LRBA: variants seen among roughly 807,000 people sequenced by gnomAD.
LRBA encodes lipopolysaccharide-responsive and beige-like anchor protein.
LRBA carries 176 observed loss-of-function variants against 330.0 expected under a neutral mutation model. That is an observed-to-expected ratio of 0.53 (90% CI 0.47 to 0.60). The LOEUF is 0.60. Ranked by LOEUF, LRBA falls within the 20% of genes least tolerant of loss-of-function variation. The pLI is 0.00. For missense variants in LRBA, 3,259 were observed against 3,444.8 expected, an observed-to-expected ratio of 0.95 and a Z score of 1.35; for synonymous variants, 1,230 against 1,193.0, an observed-to-expected ratio of 1.03 and a Z score of -0.64.
At chr4:150,436,998 A>G in intron 44 of LRBA, 134 bp from the exon 45 acceptor site, 1 of 774,918 alleles carries the variant, frequency 1.3e-6, no homozygotes, top group Non-Finnish European at 2.1e-6. Flanking sequence ...GCTGCAACAC[A>G]GTATCATATT....
intron 47 of LRBA, among the ~76,000 whole-genome samples, chr4:150,351,692 A>C (rs1737204139): frequency 3.9e-5 from 6 of 152,176 alleles, no homozygotes; most frequent in Admixed American, 2.0e-4. Context: ...CCGTCTCAAA[A>C]AACAAAACAA....
intron 33 of LRBA, among the ~76,000 whole-genome samples, chr4:150,803,201 CTA>C (rs1221700029): frequency 6.7e-6 from 1 of 150,346 alleles, no homozygotes; most frequent in East Asian, 1.9e-4. Context: ...CATTAAGAAA[CTA>C]TTACTATTAT....
At chr4:150,345,094 T>C (rs138901662) in intron 48 of LRBA, among the ~76,000 whole-genome samples, 1 of 152,342 alleles carries the variant, frequency 6.6e-6, no homozygotes, top group African/African-American at 2.4e-5. Flanking sequence ...AAAACATGCC[T>C]GGATTCTGTC....
At chr4:151,013,692 C>T (rs976292677) in intron 2 of LRBA, 1 of 151,290 alleles carries the variant, frequency 6.6e-6, no homozygotes, top group Non-Finnish European at 1.5e-5. Context: ...GAGGCCTCAT[C>T]CCCCTCCCAC....
chr4:150,751,512 A>G (rs1237824281), intron 35 of LRBA, among the ~76,000 whole-genome samples: 1 of 152,114 alleles, frequency 6.6e-6, no homozygotes, highest in East Asian at 1.9e-4. Context: ...ATTACACAAT[A>G]TTTAGCAACA....
chr4:150,765,780 T>C (rs1330239117), intron 34 of LRBA, among the ~76,000 whole-genome samples: 1 of 152,080 alleles, frequency 6.6e-6, no homozygotes, highest in Non-Finnish European at 1.5e-5. Context: ...TCATTTAGAT[T>C]TTATTTTCAT....
At chr4:150,300,820 C>T (rs988956326) in intron 53 of LRBA, among the ~76,000 whole-genome samples, 3 of 152,056 alleles carry the variant, frequency 2.0e-5, no homozygotes, top group Non-Finnish European at 4.4e-5. Context: ...ACTTAACTTT[C>T]TGAAATGCAA....
chr4:150,268,947 T>C (rs1745715521), intron 56 of LRBA, among the ~76,000 whole-genome samples: 1 of 152,180 alleles, frequency 6.6e-6, no homozygotes, highest in South Asian at 2.1e-4. Context: ...AAACTGTCTC[T>C]GTTTACAGAT....
Position 150,852,812 on chromosome 4 carries a change from A to C in LRBA, c.2898T>G (p.Asn966Lys). 6.2e-7 allele frequency: 1 copy of C among 1,614,050 alleles called. No individual in the cohort carries two copies. The highest frequency in any genetic ancestry group is 8.5e-7 in the Non-Finnish European group (1 of 1,179,954). ...QAASGIRRDI[N>K]VSVGSQQPDT... is the part of the protein sequence containing the mutation. ...CTGGTTGCTGGGATCCTACTGAAAC[A>C]TTAATATCCCTTCTAATGCCAGAGG... The change falls in exon 23 of 57, where the codon AAT becomes AAG. Residue 966 changes from asparagine (N) to lysine (K), a missense_variant. Coordinates refer to ENST00000651943, the MANE Select transcript of LRBA (RefSeq NM_001364905.1).
Position 150,852,837 on chromosome 4 carries a change from G to T in LRBA, c.2873C>A (p.Ala958Asp), listed in dbSNP as rs1466634709. The T allele has an allele frequency of 1.9e-6, 3 of 1,613,892 alleles. No homozygotes were observed. The highest frequency in any genetic ancestry group is 2.5e-6 in the Non-Finnish European group (3 of 1,179,876). The change falls in exon 23 of 57, where the codon GCC becomes GAC. Residue 958 changes from alanine to aspartate, a missense_variant. Physicochemically the swap from Ala to Asp is moderately radical, Grantham distance 126 (BLOSUM62 -2). Coordinates refer to ENST00000651943, the MANE Select transcript of LRBA (RefSeq NM_001364905.1). ...GLCSSTSVQA[A>D]SGIRRDINVS... is the part of the protein sequence containing the mutation. ...ATTAATATCCCTTCTAATGCCAGAG[G>T]CTGCTTGAACTGAAGTTGAAGAACA...
At chr4:150,629,096 C>A (rs752294423) in intron 37 of LRBA, among the ~76,000 whole-genome samples, 1 of 152,074 alleles carries the variant, frequency 6.6e-6, no homozygotes, top group Non-Finnish European at 1.5e-5. Flanking sequence ...GAGACCAGAT[C>A]TCACTATATT....
Position 150,914,301 on chromosome 4 carries a change from TCTG to T in LRBA, c.1052_1054del (p.Ala351del), listed in dbSNP as rs749849087. ...CTGACCACAGAATACTCTATTAGCATCTGCTGTTTCTGATGAGCCCAGGAAACA... is the reference window on the plus strand; with the variant it reads ...CTGACCACAGAATACTCTATTAGCATCTGTTTCTGATGAGCCCAGGAAACA... On this transcript the variant is annotated inframe_deletion, in exon 9 of 57. Coordinates refer to ENST00000651943, the MANE Select transcript of LRBA (RefSeq NM_001364905.1). 6.3e-7 allele frequency: 1 copy of T among 1,589,442 alleles called. No homozygotes were observed.
In LRBA at chr4:150,525,229, G is replaced by T. The variant is rs1330272789; in HGVS notation, c.6331-34194C>A. 1.4e-4 allele frequency among the ~76,000 whole-genome samples: 21 copies of T among 151,812 alleles called. No individual in the cohort carries two copies. In the South Asian group the frequency reaches 4.0e-3, roughly 29 times the overall value. On this transcript the variant is annotated intron_variant, in intron 40 of 56. Transcript: ENST00000651943. ...GTCTGCATATTTAAAAAAAACTGAA[G>T]AAAATATTATTTTATGCTGTTCCTA...
chr4:150,813,161 TAA>T (rs368824811), intron 31 of LRBA, among the ~76,000 whole-genome samples: 3 of 131,492 alleles, frequency 2.3e-5, no homozygotes, highest in African/African-American at 3.3e-5. Flanking sequence ...CTGTCTCAAT[TAA>T]AAAAAAAAAA....
chr4:150,878,024 C>A (rs921945154), intron 17 of LRBA, among the ~76,000 whole-genome samples: 1 of 151,968 alleles, frequency 6.6e-6, no homozygotes, highest in Non-Finnish European at 1.5e-5. Flanking sequence ...TAGGATACAG[C>A]CAAAGCAGTG....
rs1214584518 is a variant in LRBA at position 150,815,991 on chromosome 4, A to G, written c.5305+1133T>C. ...TGTTAACACAAGCACAATAACAAATAAAAGAGAAGACAAAAGAAATAAACA... is the reference window on the plus strand; with the variant it reads ...TGTTAACACAAGCACAATAACAAATGAAAGAGAAGACAAAAGAAATAAACA... On this transcript the variant is annotated intron_variant, in intron 31 of 56. Coordinates refer to ENST00000651943, the MANE Select transcript of LRBA (RefSeq NM_001364905.1). Among the ~76,000 whole-genome samples the G allele has an allele frequency of 2.0e-5, 3 of 152,140 alleles. No individual in the cohort carries two copies. In the East Asian group the frequency reaches 5.8e-4, roughly 29 times the overall value.
At chr4:150,574,519 A>C (rs1449029914) in intron 40 of LRBA, among the ~76,000 whole-genome samples, 1 of 152,044 alleles carries the variant, frequency 6.6e-6, no homozygotes, top group Non-Finnish European at 1.5e-5. Context: ...GACTTGATCA[A>C]AGTCACCCAG....
chr4:150,504,534 A>C (rs1760778492), intron 40 of LRBA, among the ~76,000 whole-genome samples: 1 of 152,228 alleles, frequency 6.6e-6, no homozygotes, highest in African/African-American at 2.4e-5. Flanking sequence ...TTTACAGACA[A>C]GCAAATGCTG....
At chr4:150,542,688 T>G (rs1406603099) in intron 40 of LRBA, among the ~76,000 whole-genome samples, 1 of 152,198 alleles carries the variant, frequency 6.6e-6, no homozygotes, top group Non-Finnish European at 1.5e-5. Context: ...AAAATATTTA[T>G]AAGGCATTGA....
Sources: allele counts gnomAD v4.1 joint callset (sites outside exome capture counted in the v4.1 genomes callset), GRCh38; gene constraint gnomAD v4.1.1; transcripts MANE v1.5; gene names NCBI Gene and HGNC (gene_info 2026-07-23, HGNC 2026-07-21).